Variants in USP25 observed in about 807,000 individuals in gnomAD.
USP25 encodes ubiquitin specific peptidase 25, also known as ubiquitin carboxyl-terminal hydrolase 25.
A neutral mutation model predicts 158.5 loss-of-function variants in USP25; 85 were observed. The observed-to-expected ratio is 0.54, with a 90% CI of 0.45 to 0.64. The LOEUF (loss-of-function observed/expected upper bound fraction) is 0.64. Ranked by LOEUF, USP25 falls within the 30% of genes least tolerant of loss-of-function variation. The probability of loss-of-function intolerance (pLI) is 0.00; values close to 1 mark genes in which losing one functional copy is unlikely to be tolerated. For missense variants in USP25, 1,242 were observed against 1,327.3 expected (o/e 0.94, Z 1.00); for synonymous variants, 464 against 460.4 (o/e 1.01, Z -0.10).
intron 1 of USP25, among the ~76,000 whole-genome samples, chr21:15,746,607 A>G (rs1224370394): frequency 6.6e-6 from 1 of 151,940 alleles, no homozygotes. Context: ...TGTTATAGCC[A>G]GGATAGTCTT....
Position 15,817,233 on chromosome 21 carries a change from T to C in USP25, c.932-1465T>C, listed in dbSNP as rs887182646. ...AGTTGTTCATGCCAGAATTCTGTTA[T>C]TCTTGATATTTTCCTTCTTACCTAT... On this transcript the variant is annotated intron_variant, in intron 9 of 25. Transcript: ENST00000400183. Among the ~76,000 whole-genome samples, 3 of 152,152 alleles carry C rather than the reference T, an allele frequency of 2.0e-5. No homozygotes were observed. In the South Asian group the frequency reaches 6.2e-4, roughly 32 times the overall value.
At chr21:15,835,394 CTATT>C (rs1212789341) in intron 17 of USP25, among the ~76,000 whole-genome samples, 2 of 152,176 alleles carry the variant, frequency 1.3e-5, no homozygotes, top group East Asian at 3.9e-4. Context: ...ATATTCCTAT[CTATT>C]AAGGACTAGC....
chr21:15,868,626 A>C (rs1427391852), intron 22 of USP25, among the ~76,000 whole-genome samples: 2 of 152,192 alleles, frequency 1.3e-5, no homozygotes, highest in Admixed American at 1.3e-4. Context: ...AGTAAACCAT[A>C]GCCTGCAGAC....
chr21:15,821,527 A>G (rs933166003), intron 10 of USP25, among the ~76,000 whole-genome samples: 6 of 151,944 alleles, frequency 3.9e-5, no homozygotes, highest in African/African-American at 1.4e-4. Context: ...ATAAAGTGCT[A>G]GAAGGAGTTT....
At chr21:15,771,797 A>G (rs2034371925) in intron 3 of USP25, among the ~76,000 whole-genome samples, 1 of 151,754 alleles carries the variant, frequency 6.6e-6, no homozygotes, top group African/African-American at 2.4e-5. Flanking sequence ...GCCCTGCTAC[A>G]TATTCTTATT....
At chr21:15,787,730 C>A (rs1179364379) in intron 4 of USP25, among the ~76,000 whole-genome samples, 2 of 151,700 alleles carry the variant, frequency 1.3e-5, no homozygotes, top group African/African-American at 4.8e-5. Context: ...CCCGCCGCCC[C>A]CTTTTTTTTT....
intron 12 of USP25, among the ~76,000 whole-genome samples, chr21:15,825,649 C>T (rs1399869819): frequency 6.6e-6 from 1 of 152,154 alleles, no homozygotes; most frequent in African/African-American, 2.4e-5. Context: ...ACAGGCCAGA[C>T]AGAAATCTAA....
In USP25 at chr21:15,800,428, G is replaced by C. The variant is rs900842459; in HGVS notation, c.642+585G>C. 4.0e-5 allele frequency among the ~76,000 whole-genome samples: 6 copies of C among 151,006 alleles called. No homozygotes were observed. In the East Asian group the frequency reaches 1.2e-3, roughly 29 times the overall value. On this transcript the variant is annotated intron_variant, in intron 6 of 25. Transcript: ENST00000400183. ...ATATAATAATAGTAATTATTTCATAGAGTTGCTGTGAGCATTAAATGAGGT... is the reference window on the plus strand; with the variant it reads ...ATATAATAATAGTAATTATTTCATACAGTTGCTGTGAGCATTAAATGAGGT...
chr21:15,829,173 T>G (rs2037676064), intron 14 of USP25, among the ~76,000 whole-genome samples: 2 of 152,172 alleles, frequency 1.3e-5, no homozygotes, highest in African/African-American at 4.8e-5. Flanking sequence ...ATATGTTCTT[T>G]TTTATGTTCA....
intron 5 of USP25, among the ~76,000 whole-genome samples, chr21:15,798,573 AAT>A (rs1291106979): frequency 6.6e-6 from 1 of 151,266 alleles, no homozygotes; most frequent in Non-Finnish European, 1.5e-5. Context: ...ACAAGACTGT[AAT>A]CCCTACAAGG....
At chr21:15,812,798 T>C (rs2036737546) in intron 9 of USP25, among the ~76,000 whole-genome samples, 1 of 152,246 alleles carries the variant, frequency 6.6e-6, no homozygotes, top group African/African-American at 2.4e-5. Flanking sequence ...AAGTAATTTA[T>C]TTCAGAGTAC....
rs1012680318 is a variant in USP25, at chr21:15,854,879, C to T, written c.2547+5007C>T. Among the ~76,000 whole-genome samples the T allele has an allele frequency of 3.9e-5, 6 of 152,146 alleles. 1 individual carries two copies. In the East Asian group the frequency reaches 1.2e-3, roughly 29 times the overall value. ...GGGCTACACTACACTAACTTGAGTC[C>T]TTCTTCAAATTGACTTTAATGGTTA... On this transcript the variant is annotated intron_variant, in intron 20 of 25. Coordinates refer to ENST00000400183, the MANE Select transcript of USP25 (RefSeq NM_001283041.3).
In USP25 at chr21:15,816,831, C is replaced by G. The variant is rs1054570190; in HGVS notation, c.932-1867C>G. 2.6e-5 allele frequency among the ~76,000 whole-genome samples: 4 copies of G among 152,050 alleles called. No homozygotes were observed. The highest frequency in any genetic ancestry group is 5.9e-5 in the Non-Finnish European group (4 of 67,984). ...ATCCTGTGTTCTTACTTAAGTGGTG[C>G]CATTTTCAGTCCATAATCTGCCAGG... On this transcript the variant is annotated intron_variant, in intron 9 of 25. Transcript: ENST00000400183. The surrounding 1 kb of genome is among the most constrained non-coding windows in gnomAD (Gnocchi z 4.0).
Position 15,730,222 on chromosome 21 carries a change from G to A in USP25, c.-172G>A. On this transcript the variant is annotated 5_prime_UTR_variant, in exon 1 of 26. Transcript: ENST00000400183. ...AGTCGGCGTTTCGCCGCCTGCCCGC[G>A]GTGCCCGCGCACGCCGGCCGCCATC... 1 of 679,202 alleles carries A rather than the reference G, an allele frequency of 1.5e-6. No homozygotes were observed. Among genetic ancestry groups the A allele is most frequent in the Non-Finnish European group, 1.8e-6 (1 of 551,516 alleles). The allele number at this position is 679,202 out of a possible 1,614,324, so 42.1% of individuals were successfully genotyped here. A position where few individuals can be genotyped will look rare whatever the true frequency, so the allele number is the denominator to read the frequency against.
intron 1 of USP25, among the ~76,000 whole-genome samples, chr21:15,754,132 CAAAAT>C (rs2123337917): frequency 6.6e-6 from 1 of 152,290 alleles, no homozygotes; most frequent in South Asian, 2.1e-4. Flanking sequence ...CGCAGTTTCT[CAAAAT>C]AACTACCTCA....
intron 5 of USP25, among the ~76,000 whole-genome samples, chr21:15,798,241 A>C (rs1232505408): frequency 6.6e-6 from 1 of 151,260 alleles, no homozygotes; most frequent in East Asian, 1.9e-4. Flanking sequence ...CCTCCTTGAA[A>C]TGTGCCAGCT....
chr21:15,792,343 C>T (rs551331923), intron 5 of USP25, among the ~76,000 whole-genome samples: 10 of 151,436 alleles, frequency 6.6e-5, no homozygotes, highest in South Asian at 4.2e-4. Flanking sequence ...TTATCATTCT[C>T]GGTTGACATT....
chr21:15,758,057 C>T (rs575837984), intron 1 of USP25, among the ~76,000 whole-genome samples: 5 of 152,162 alleles, frequency 3.3e-5, no homozygotes, highest in Non-Finnish European at 7.3e-5. Flanking sequence ...CTAAGTTGAT[C>T]TGCATCAAAA....
At chr21:15,783,278 A>G (rs896079141) in intron 4 of USP25, among the ~76,000 whole-genome samples, 7 of 152,128 alleles carry the variant, frequency 4.6e-5, no homozygotes, top group East Asian at 1.9e-4. Flanking sequence ...AAGCAAACCT[A>G]TATTCATATT....
Sources: gnomAD v4.1 joint callset for allele counts (sites outside exome capture counted in the v4.1 genomes callset) on GRCh38, gnomAD v4.1.1 for gene constraint, Gnocchi (gnomAD v3.1) non-coding constraint, MANE v1.5 for transcripts, NCBI Gene and HGNC (gene_info 2026-07-23, HGNC 2026-07-21) for gene names.